PKIA: variants seen among roughly 807,000 people sequenced by gnomAD.
PKIA encodes cAMP-dependent protein kinase inhibitor alpha, also known as PKI-alpha.
PKIA carries 4 observed loss-of-function variants against 7.6 expected under a neutral mutation model. That is an observed-to-expected ratio of 0.52 (90% confidence interval 0.26 to 1.20). The LOEUF (loss-of-function observed/expected upper bound fraction) is 1.20, where lower values mean the gene tolerates loss of function less well. Among genes scored for constraint, PKIA ranks in the 50% most tolerant of loss-of-function variants. PKIA has a pLI of 0.13. For missense variants in PKIA, 73 were observed against 86.2 expected, an observed-to-expected ratio of 0.85 and a Z score of 0.61; for synonymous variants, 21 against 30.7, an observed-to-expected ratio of 0.68 and a Z score of 1.04.
In PKIA at chr8:78,598,395, T is replaced by C; in HGVS notation, c.11T>C (p.Val4Ala). 6.2e-7 allele frequency: 1 copy of C among 1,610,708 alleles called. No individual in the cohort carries two copies. Among genetic ancestry groups the C allele is most frequent in the Non-Finnish European group, 8.5e-7 (1 of 1,177,728 alleles). MTDVETTYADFIAS... is the reference protein window; with the variant it reads MTDAETTYADFIAS... ...GGATATTTGGTAGCAATGACTGATG[T>C]GGAAACTACATATGCAGATTTTATT... Residue 4 changes from valine to alanine, a missense_variant, in exon 3 of 4, where the codon GTG (valine) becomes GCG (alanine). Transcript: ENST00000396418.
At chr8:78,533,674 A>G (rs1240728015) in intron 1 of PKIA, among the ~76,000 whole-genome samples, 1 of 152,052 alleles carries the variant, frequency 6.6e-6, no homozygotes, top group African/African-American at 2.4e-5. Flanking sequence ...AGGGCAACAT[A>G]GCAAGACCCC....
At chr8:78,532,564 T>TGAA (rs1428441676) in intron 1 of PKIA, among the ~76,000 whole-genome samples, 11 of 150,948 alleles carry the variant, frequency 7.3e-5, no homozygotes, top group Admixed American at 7.3e-4. Context: ...TAATTGAACA[T>TGAA]TCACTGAGCC....
At chr8:78,533,698 G>A (rs1279709484) in intron 1 of PKIA, among the ~76,000 whole-genome samples, 1 of 151,844 alleles carries the variant, frequency 6.6e-6, no homozygotes, top group African/African-American at 2.4e-5. Context: ...TCTACAAAAA[G>A]CACTTTAAAA....
intron 2 of PKIA, among the ~76,000 whole-genome samples, chr8:78,583,348 G>T (rs1480877068): frequency 6.6e-6 from 1 of 152,018 alleles, no homozygotes; most frequent in Non-Finnish European, 1.5e-5. Flanking sequence ...AAAAATTATG[G>T]CACTGAAACC....
chr8:78,553,943 A>G (rs903927741), intron 1 of PKIA, among the ~76,000 whole-genome samples: 1 of 151,956 alleles, frequency 6.6e-6, no homozygotes, highest in Non-Finnish European at 1.5e-5. Flanking sequence ...GCAGCAGAAC[A>G]CGGGATGGGG....
intron 1 of PKIA, among the ~76,000 whole-genome samples, chr8:78,563,736 A>G (rs981802432): frequency 1.3e-5 from 2 of 152,144 alleles, no homozygotes; most frequent in Non-Finnish European, 2.9e-5. Context: ...GTGGAAAAAA[A>G]ATCTATAAAG....
intron 1 of PKIA, among the ~76,000 whole-genome samples, chr8:78,529,715 A>G (rs1806347813): frequency 6.6e-6 from 1 of 152,058 alleles, no homozygotes; most frequent in Admixed American, 6.6e-5. Context: ...ACTATTAAAT[A>G]AGATTCTTAG....
chr8:78,572,776 G>A (rs1358104921), intron 1 of PKIA, 35 bp from the exon 2 acceptor site: 1 of 150,908 alleles, frequency 6.6e-6, no homozygotes, highest in Non-Finnish European at 1.5e-5. Context: ...TATATGTACA[G>A]ATAATTTCCC....
intron 3 of PKIA, among the ~76,000 whole-genome samples, chr8:78,600,386 A>G (rs1400358672): frequency 3.9e-5 from 6 of 152,164 alleles, no homozygotes; most frequent in Non-Finnish European, 8.8e-5. Context: ...ACAGGCATCT[A>G]TTTAGCAACA....
intron 1 of PKIA, among the ~76,000 whole-genome samples, chr8:78,544,603 A>T (rs1196150219): frequency 6.6e-6 from 1 of 152,204 alleles, no homozygotes; most frequent in East Asian, 1.9e-4. Context: ...GGTTTTGAAG[A>T]GCTATTTGAT....
chr8:78,574,443 A>T (rs1247547628), intron 2 of PKIA, among the ~76,000 whole-genome samples: 2 of 152,014 alleles, frequency 1.3e-5, no homozygotes, highest in Admixed American at 1.3e-4. Flanking sequence ...TGGGTAGTAC[A>T]GCTGCAGCAG....
chr8:78,564,218 A>T (rs921339963), intron 1 of PKIA, among the ~76,000 whole-genome samples: 1 of 152,044 alleles, frequency 6.6e-6, no homozygotes, highest in African/African-American at 2.4e-5. Flanking sequence ...AAGTAGAATG[A>T]GAAAGAATTT....
intron 1 of PKIA, among the ~76,000 whole-genome samples, chr8:78,549,837 A>G (rs1350459405): frequency 1.3e-5 from 2 of 152,036 alleles, no homozygotes; most frequent in African/African-American, 4.8e-5. Flanking sequence ...GTAAAGAAAT[A>G]TATTTTTGAA....
At chr8:78,542,759 C>A (rs1411261351) in intron 1 of PKIA, among the ~76,000 whole-genome samples, 1 of 152,114 alleles carries the variant, frequency 6.6e-6, no homozygotes, top group Non-Finnish European at 1.5e-5. Context: ...CAAGATGCCC[C>A]TCCTACCTGT....
chr8:78,540,732 TA>T (rs1806665413), intron 1 of PKIA, among the ~76,000 whole-genome samples: 1 of 151,928 alleles, frequency 6.6e-6, no homozygotes, highest in Non-Finnish European at 1.5e-5. Context: ...AGACATTCTG[TA>T]TGTGTTCATA....
intron 2 of PKIA, among the ~76,000 whole-genome samples, chr8:78,595,251 C>T (rs767132421): frequency 1.3e-5 from 2 of 152,006 alleles, no homozygotes; most frequent in African/African-American, 2.4e-5. Flanking sequence ...AACTGATTCA[C>T]GTAGGACTGG....
At chr8:78,594,535 C>A (rs1052214468) in intron 2 of PKIA, among the ~76,000 whole-genome samples, 1 of 152,100 alleles carries the variant, frequency 6.6e-6, no homozygotes, top group African/African-American at 2.4e-5. Context: ...TGGAGAAACT[C>A]AGGGAATAGA....
In PKIA at chr8:78,599,366, C is replaced by T. The variant is rs373249509; in HGVS notation, c.151+831C>T. 2.2e-4 allele frequency among the ~76,000 whole-genome samples: 33 copies of T among 152,118 alleles called. 1 individual carries two copies. In the East Asian group the frequency reaches 3.5e-3, roughly 16 times the overall value. On this transcript the variant is annotated intron_variant, in intron 3 of 3. Transcript: ENST00000396418. ...GCATGGAAAGCACTTATCACAGTTT[C>T]TGACTCTTAATTATTCAATATGTCT...
rs1192096139 is a variant in PKIA at position 78,543,305 on chromosome 8, C to A, written c.-157+26837C>A. 2.6e-5 allele frequency among the ~76,000 whole-genome samples: 4 copies of A among 152,136 alleles called. No individual in the cohort carries two copies. In the East Asian group the frequency reaches 7.7e-4, roughly 29 times the overall value. On this transcript the variant is annotated intron_variant, in intron 1 of 3. Transcript: ENST00000396418. ...GCATTAATGGGCAAATTGTAAGTTT[C>A]TTTTCTGTCTTTTGACAGAGGTCAT...
Sources: allele counts gnomAD v4.1 joint callset (sites outside exome capture counted in the v4.1 genomes callset), GRCh38; gene constraint gnomAD v4.1.1; transcripts MANE v1.5; gene names NCBI Gene and HGNC (gene_info 2026-07-23, HGNC 2026-07-21).